BACH1: variants seen among roughly 807,000 people sequenced by gnomAD.
BACH1 encodes the protein transcription regulator protein BACH1.
BACH1 carries 35 observed loss-of-function variants against 52.9 expected under a neutral mutation model. The ratio of observed to expected loss-of-function variants is 0.66; its 90% CI spans 0.51 to 0.88. BACH1 has a LOEUF of 0.88. Ranked by LOEUF, BACH1 falls within the 40% of genes least tolerant of loss-of-function variation. The pLI is 0.00. For missense variants in BACH1, 808 were observed against 872.6 expected, an observed-to-expected ratio of 0.93 and a Z score of 0.93; for synonymous variants, 321 against 319.6, an observed-to-expected ratio of 1.00 and a Z score of -0.05.
chr21:29,329,757 G>T, intron 4 of BACH1, 64 bp downstream of exon 4: 1 of 1,249,104 alleles, frequency 8.0e-7, no homozygotes, highest in Non-Finnish European at 1.1e-6. Context: ...CAAGGAAATA[G>T]TTTTTAAATT....
intron 4 of BACH1, among the ~76,000 whole-genome samples, chr21:29,340,456 TTTAAAGA>T (rs1463143227): frequency 2.4e-4 from 36 of 152,312 alleles, no homozygotes; most frequent in African/African-American, 8.2e-4. Flanking sequence ...AGTGAGAGTA[TTTAAAGA>T]TCATGTGGAT....
At chr21:29,337,741 T>G (rs979615758) in intron 4 of BACH1, among the ~76,000 whole-genome samples, 2 of 152,004 alleles carry the variant, frequency 1.3e-5, no homozygotes, top group Admixed American at 6.6e-5. Context: ...GAGATATACC[T>G]AATGTGCCGG....
downstream of BACH1, among the ~76,000 whole-genome samples, chr21:29,347,596 G>C (rs1350335211): frequency 6.6e-6 from 1 of 152,158 alleles, no homozygotes; most frequent in African/African-American, 2.4e-5. Context: ...GTGACTGATG[G>C]CCTGGAGGAG....
At chr21:29,341,777 A>T (rs1392987807) in intron 4 of BACH1, among the ~76,000 whole-genome samples, 2 of 152,224 alleles carry the variant, frequency 1.3e-5, no homozygotes, top group African/African-American at 4.8e-5. Flanking sequence ...TGTGTGGATT[A>T]CATAGCTGAG....
At chr21:29,342,094 A>G (rs1326459542) in intron 4 of BACH1, among the ~76,000 whole-genome samples, 1 of 152,186 alleles carries the variant, frequency 6.6e-6, no homozygotes, top group Non-Finnish European at 1.5e-5. Context: ...TTTAATGTTT[A>G]CCTAGAAATG....
chr21:29,342,177 C>T (rs1039649057), intron 4 of BACH1, among the ~76,000 whole-genome samples: 2 of 152,152 alleles, frequency 1.3e-5, no homozygotes, highest in African/African-American at 2.4e-5. Flanking sequence ...ACTGTCTTTC[C>T]AAAACCTGAA....
intron 2 of BACH1, among the ~76,000 whole-genome samples, chr21:29,356,611 A>G (rs953349357): frequency 2.6e-5 from 4 of 152,212 alleles, no homozygotes; most frequent in Non-Finnish European, 4.4e-5. Context: ...TTGTATGGTA[A>G]TTAATTAAGA....
chr21:29,341,421 C>T (rs990550334), intron 4 of BACH1, among the ~76,000 whole-genome samples: 1 of 152,042 alleles, frequency 6.6e-6, no homozygotes, highest in Non-Finnish European at 1.5e-5. Context: ...TTATAAATAC[C>T]TTGATTATTT....
rs140102895 is a variant in BACH1, at chr21:29,326,425, G to T, written c.601G>T (p.Asp201Tyr). Residue 201 changes from aspartate (D) to tyrosine (Y), a missense_variant, in exon 3 of 5, where the codon GAC becomes TAC. By Grantham distance (160) the Asp-to-Tyr change is radical. Transcript: ENST00000286800. ...TGCAAAAGCCTCACCTCCTCTACAA[G>T]ACAGTGCCAGTCAGACATATGAGTC... ...GNAKASPPLQ[D>Y]SASQTYESMC... The T allele has an allele frequency of 1.1e-4, 182 of 1,614,078 alleles. No individual in the cohort carries two copies. The highest frequency in any genetic ancestry group is 1.5e-4 in the Non-Finnish European group (176 of 1,180,038).
At chr21:29,358,811 AAAG>A (rs1179846183) in intron 2 of BACH1, among the ~76,000 whole-genome samples, 8 of 90,436 alleles carry the variant, frequency 8.8e-5, no homozygotes, top group East Asian at 2.4e-4. Flanking sequence ...AGAAAGAAAG[AAAG>A]AAGAAAGAAA....
At chr21:29,333,084 A>C (rs555658158) in intron 4 of BACH1, among the ~76,000 whole-genome samples, 10 of 152,232 alleles carry the variant, frequency 6.6e-5, no homozygotes, top group African/African-American at 2.2e-4. Flanking sequence ...CGTGAGGGGT[A>C]CATTACAAAT....
At chr21:29,336,557 A>T (rs1385611387) in intron 4 of BACH1, among the ~76,000 whole-genome samples, 1 of 152,182 alleles carries the variant, frequency 6.6e-6, no homozygotes, top group Non-Finnish European at 1.5e-5. Context: ...CTTCACTGTG[A>T]TTACCATGAT....
downstream of BACH1, among the ~76,000 whole-genome samples, chr21:29,347,369 C>T (rs555331853): frequency 2.9e-4 from 44 of 152,156 alleles, no homozygotes; most frequent in South Asian, 1.5e-3. Flanking sequence ...AGGGGTGGGC[C>T]GAGCCAAGTA....
At chr21:29,303,307 C>T (rs185294878) in intron 1 of BACH1, among the ~76,000 whole-genome samples, 4 of 152,310 alleles carry the variant, frequency 2.6e-5, no homozygotes, top group Admixed American at 2.0e-4. Context: ...GTTATTTTGA[C>T]CATTCTTTCA....
At chr21:29,339,218 A>G (rs2089081718) in intron 4 of BACH1, among the ~76,000 whole-genome samples, 1 of 152,192 alleles carries the variant, frequency 6.6e-6, no homozygotes, top group South Asian at 2.1e-4. Flanking sequence ...AGGAATTGTC[A>G]TATTTGGCCT....
downstream of BACH1, among the ~76,000 whole-genome samples, chr21:29,349,728 T>C (rs1840286238): frequency 6.6e-6 from 1 of 152,200 alleles, no homozygotes; most frequent in Non-Finnish European, 1.5e-5. Context: ...TTCCACAGCC[T>C]TTGGGTGCAC....
chr21:29,300,111 C>T (rs1250777027), intron 1 of BACH1: 1 of 152,084 alleles, frequency 6.6e-6, no homozygotes, highest in African/African-American at 2.4e-5. Context: ...CTGGGCTGGG[C>T]TTGAAGGCAC....
chr21:29,359,020 GC>G lies in BACH1; in HGVS notation c.472+29329del, dbSNP rs544998199. The stretch of plus-strand genomic sequence containing the variant: ...ATAACATCAGACACAGTAATTGTAT[GC>G]CAAGGAATCCATCCTGAAGAACAAT... On this transcript the variant is annotated intron_variant, in intron 2 of 4. Transcript: ENST00000422809. The G allele has an allele frequency of 8.5e-5, 13 of 152,062 alleles. No individual in the cohort carries two copies. The South Asian group carries it at 2.5e-3, about 29-fold the overall frequency. The allele number at this position is 152,062 out of a possible 1,614,324, so 9.4% of individuals were successfully genotyped here.
chr21:29,358,817 GA>G (rs2089254381), intron 2 of BACH1, among the ~76,000 whole-genome samples: 1 of 123,162 alleles, frequency 8.1e-6, no homozygotes, highest in South Asian at 2.6e-4. Context: ...AAAGAAAGAA[GA>G]AAGAAAGAAA....
Sources: allele counts gnomAD v4.1 joint callset (sites outside exome capture counted in the v4.1 genomes callset), GRCh38; gene constraint gnomAD v4.1.1; transcripts MANE v1.5; gene names NCBI Gene and HGNC (gene_info 2026-07-23, HGNC 2026-07-21).